The following SV2C variants were observed in gnomAD, a reference collection of about 807,000 sequenced individuals.
The protein encoded by SV2C is synaptic vesicle glycoprotein 2C.
SV2C carries 49 observed loss-of-function variants against 79.7 expected under a neutral mutation model. The ratio of observed to expected loss-of-function variants is 0.61; its 90% CI spans 0.49 to 0.78. SV2C has a LOEUF of 0.78. Ranked by LOEUF, SV2C falls within the 30% of genes least tolerant of loss-of-function variation. The pLI, the probability that SV2C is intolerant of heterozygous loss-of-function variation, is 0.00. For synonymous variants in SV2C, 334 were observed against 333.2 expected (o/e 1.00, Z -0.03); for missense variants, 833 against 912.9 (o/e 0.91, Z 1.13).
chr5:75,896,637 C>T, the SV2C span, among the ~76,000 whole-genome samples: 6 of 151,912 alleles, frequency 3.9e-5, no homozygotes, highest in Admixed American at 2.0e-4. Context: ...CCTGAGGAAT[C>T]GTCACACTGA....
intron 4 of SV2C, among the ~76,000 whole-genome samples, chr5:76,249,258 T>A (rs1033624856): frequency 2.0e-5 from 3 of 152,212 alleles, no homozygotes; most frequent in African/African-American, 7.2e-5. Context: ...GCAGCACTTC[T>A]GAGTTTATGA....
In SV2C at chr5:76,170,949, G is replaced by C. The variant is rs1230745545; in HGVS notation, c.581-23970G>C. 7 of 319,362 alleles carry C rather than the reference G, an allele frequency of 2.2e-5. 1 individual carries two copies. The highest frequency in any genetic ancestry group is 2.4e-5 in the Non-Finnish European group (5 of 206,692). 19.8% of individuals were successfully genotyped at this position (319,362 alleles called of 1,614,324 possible). On this transcript the variant is annotated intron_variant, in intron 2 of 12. Transcript: ENST00000502798. ...GCAGCTATGAAGCGGAGCCGCTGCC[G>C]CGACCGACCGCAGCCGCCGCCGCCC...
At chr5:75,911,085 C>G in the SV2C span, 1 of 1,390,814 alleles carries the variant, frequency 7.2e-7, no homozygotes, top group Non-Finnish European at 1.0e-6. Flanking sequence ...CCTGATGCAG[C>G]CCGGGGGAAG....
the SV2C span, among the ~76,000 whole-genome samples, chr5:75,888,331 T>TA: frequency 0.011 from 1,560 of 148,418 alleles, 15 homozygotes; most frequent in East Asian, 0.036. Context: ...CCTTGCTTTT[T>TA]AAAAAAAAAA....
At chr5:76,186,690 TCAAA>T (rs58706451) in intron 2 of SV2C, among the ~76,000 whole-genome samples, 34 of 151,864 alleles carry the variant, frequency 2.2e-4, no homozygotes, top group African/African-American at 7.7e-4. Flanking sequence ...AGACCTTATC[TCAAA>T]CAAACAAACA....
At chr5:75,935,320 G>A in the SV2C span, among the ~76,000 whole-genome samples, 1 of 152,126 alleles carries the variant, frequency 6.6e-6, no homozygotes, top group South Asian at 2.1e-4. Context: ...TGGTTAGTGT[G>A]TAGGAGAAAT....
intron 4 of SV2C, among the ~76,000 whole-genome samples, chr5:76,274,548 A>G (rs887047243): frequency 2.0e-5 from 3 of 152,130 alleles, no homozygotes; most frequent in African/African-American, 7.2e-5. Flanking sequence ...ATATCTGTTT[A>G]GAAAAATCGA....
At chr5:75,871,724 C>T in the SV2C span, among the ~76,000 whole-genome samples, 1 of 151,430 alleles carries the variant, frequency 6.6e-6, no homozygotes, top group Admixed American at 6.6e-5. Context: ...AGGAGAATTG[C>T]TTGAACCGGG....
the SV2C span, among the ~76,000 whole-genome samples, chr5:75,866,744 G>A: frequency 6.6e-6 from 1 of 152,138 alleles, no homozygotes; most frequent in South Asian, 2.1e-4. Flanking sequence ...CAAATCCAGA[G>A]CCTAGAATTT....
At chr5:76,265,864 A>G (rs2937722) in intron 4 of SV2C, among the ~76,000 whole-genome samples, 1 of 151,896 alleles carries the variant, frequency 6.6e-6, no homozygotes. Flanking sequence ...TGCAGAAATC[A>G]CCCACCTTTT....
At chr5:76,274,788 A>G (rs1037990996) in intron 4 of SV2C, among the ~76,000 whole-genome samples, 12 of 151,966 alleles carry the variant, frequency 7.9e-5, no homozygotes, top group Non-Finnish European at 1.8e-4. Flanking sequence ...TGGTGGAGTC[A>G]CAGATGCATG....
the SV2C span, among the ~76,000 whole-genome samples, chr5:76,058,055 C>A: frequency 5.3e-5 from 8 of 152,062 alleles, no homozygotes; most frequent in Admixed American, 4.6e-4. Context: ...ACTATTATGG[C>A]ATATTTCATT....
At chr5:75,904,067 G>A in the SV2C span, among the ~76,000 whole-genome samples, 2 of 152,170 alleles carry the variant, frequency 1.3e-5, no homozygotes, top group Admixed American at 6.5e-5. Context: ...TGTGTTTAAA[G>A]CTTGAATTAC....
intron 4 of SV2C, among the ~76,000 whole-genome samples, chr5:76,276,535 G>A (rs1022165799): frequency 2.6e-5 from 4 of 152,086 alleles, no homozygotes; most frequent in Non-Finnish European, 5.9e-5. Context: ...GCCACTTTGT[G>A]CAGGCTGGTC....
At chr5:75,974,415 A>T in the SV2C span, among the ~76,000 whole-genome samples, 2 of 152,068 alleles carry the variant, frequency 1.3e-5, no homozygotes, top group South Asian at 4.1e-4. Flanking sequence ...CTTCCAAGTT[A>T]TTTTCATTTT....
At chr5:75,949,607 T>C in the SV2C span, among the ~76,000 whole-genome samples, 81,759 of 151,824 alleles carry the variant, frequency 0.54, 23,006 homozygotes, top group African/African-American at 0.63. Context: ...GTGGTGAATA[T>C]GTCTCACCAG....
At chr5:76,202,097 C>T (rs547142372) in intron 3 of SV2C, among the ~76,000 whole-genome samples, 1 of 152,034 alleles carries the variant, frequency 6.6e-6, no homozygotes, top group Admixed American at 6.5e-5. Flanking sequence ...AACAGACACC[C>T]AGTCTTCTGA....
chr5:76,128,547 G>A (rs1184624456), intron 1 of SV2C, among the ~76,000 whole-genome samples: 2 of 152,112 alleles, frequency 1.3e-5, no homozygotes, highest in African/African-American at 4.8e-5. Context: ...GCTTGAGTCC[G>A]GCATCTCCTC....
chr5:75,946,707 C>T, the SV2C span, among the ~76,000 whole-genome samples: 1 of 152,030 alleles, frequency 6.6e-6, no homozygotes, highest in East Asian at 1.9e-4. Context: ...ATTCGTATAA[C>T]ATTCTGGAAA....
Sources: gnomAD v4.1 joint callset for allele counts (sites outside exome capture counted in the v4.1 genomes callset) on GRCh38, gnomAD v4.1.1 for gene constraint, MANE v1.5 for transcripts, NCBI Gene and HGNC (gene_info 2026-07-23, HGNC 2026-07-21) for gene names.